Variants in AUH observed in about 807,000 individuals in gnomAD.
AUH encodes the protein AU RNA binding methylglutaconyl-CoA hydratase.
A neutral mutation model predicts 42.3 loss-of-function variants in AUH; 29 were observed. The ratio of observed to expected loss-of-function variants is 0.69; its 90% CI spans 0.51 to 0.93. The LOEUF (loss-of-function observed/expected upper bound fraction) is 0.93. AUH is among the 40% of genes least tolerant of loss of function. AUH has a pLI of 0.00. For synonymous variants in AUH, 174 were observed against 166.4 expected (o/e 1.05, Z -0.35); for missense variants, 452 against 438.1 (o/e 1.03, Z -0.28).
chr9:91,284,918 TAG>T (rs1363977561), intron 6 of AUH, among the ~76,000 whole-genome samples: 3 of 152,194 alleles, frequency 2.0e-5, no homozygotes, highest in Non-Finnish European at 4.4e-5. Flanking sequence ...CTCAGGGATC[TAG>T]AACTAGAAAC....
At chr9:91,307,924 C>G (rs1384728530) in intron 4 of AUH, among the ~76,000 whole-genome samples, 1 of 152,074 alleles carries the variant, frequency 6.6e-6, no homozygotes, top group Non-Finnish European at 1.5e-5. Context: ...TAATTTAAAA[C>G]AGGAAATACA....
At chr9:91,246,259 G>A (rs1828788086) in intron 6 of AUH, among the ~76,000 whole-genome samples, 1 of 152,062 alleles carries the variant, frequency 6.6e-6, no homozygotes, top group Admixed American at 6.5e-5. Flanking sequence ...AGAGGTTCAT[G>A]CTAAAAAAAC....
At chr9:91,240,549 G>A (rs1469023319) in intron 6 of AUH, among the ~76,000 whole-genome samples, 1 of 152,132 alleles carries the variant, frequency 6.6e-6, no homozygotes, top group Non-Finnish European at 1.5e-5. Flanking sequence ...CCAGGGAGAA[G>A]TTTCTGTGAT....
chr9:91,353,136 G>A (rs966868692), intron 3 of AUH, among the ~76,000 whole-genome samples: 7 of 152,048 alleles, frequency 4.6e-5, no homozygotes, highest in African/African-American at 1.4e-4. Flanking sequence ...ACCCGGGCTG[G>A]AATGAGGTGG....
chr9:91,320,736 T>C (rs1829506847), intron 4 of AUH, among the ~76,000 whole-genome samples: 1 of 152,198 alleles, frequency 6.6e-6, no homozygotes. Flanking sequence ...TATACACCAA[T>C]TTTCTGAAAT....
At chr9:91,214,504 T>C in intron 9 of AUH, 79 bp from the exon 10 acceptor site, 1 of 1,194,468 alleles carries the variant, frequency 8.4e-7, no homozygotes, top group East Asian at 2.6e-5. Flanking sequence ...CTAAGAAAAC[T>C]ACTTAGAACC....
intron 4 of AUH, among the ~76,000 whole-genome samples, chr9:91,322,139 T>C (rs1829627634): frequency 6.6e-6 from 1 of 151,924 alleles, no homozygotes; most frequent in African/African-American, 2.4e-5. Context: ...AAAATGGAGA[T>C]AAGAACTAGC....
intron 6 of AUH, among the ~76,000 whole-genome samples, chr9:91,232,330 G>A (rs1416949457): frequency 6.6e-6 from 1 of 152,162 alleles, no homozygotes; most frequent in African/African-American, 2.4e-5. Flanking sequence ...CTATGATTAT[G>A]CCACTGCAGT....
chr9:91,232,931 AT>A (rs1364174879), intron 6 of AUH, among the ~76,000 whole-genome samples: 1 of 152,230 alleles, frequency 6.6e-6, no homozygotes, highest in Non-Finnish European at 1.5e-5. Flanking sequence ...AGTAATTGCA[AT>A]CATCACCTCA....
chr9:91,295,901 A>C (rs1460627384), intron 6 of AUH, 120 bp downstream of exon 6: 1 of 1,142,608 alleles, frequency 8.8e-7, no homozygotes, highest in Non-Finnish European at 1.3e-6. Context: ...TAGGGATGCA[A>C]ACAATATGCC....
intron 4 of AUH, among the ~76,000 whole-genome samples, chr9:91,318,323 T>A (rs568809753): frequency 6.6e-6 from 1 of 152,140 alleles, no homozygotes; most frequent in Non-Finnish European, 1.5e-5. Context: ...CTTTTAGAAA[T>A]TTTTTTTCCT....
intron 6 of AUH, among the ~76,000 whole-genome samples, chr9:91,245,391 AG>A (rs1449834960): frequency 6.6e-6 from 1 of 152,224 alleles, no homozygotes; most frequent in African/African-American, 2.4e-5. Context: ...TTGAGAAACA[AG>A]GCCCCACTTC....
chr9:91,258,142 T>C (rs1462021394), intron 6 of AUH, among the ~76,000 whole-genome samples: 1 of 152,230 alleles, frequency 6.6e-6, no homozygotes. Context: ...GTTCCAAAAG[T>C]GTTTTGGTAG....
chr9:91,345,412 G>A (rs1264498450), intron 3 of AUH, among the ~76,000 whole-genome samples: 2 of 152,042 alleles, frequency 1.3e-5, no homozygotes, highest in Non-Finnish European at 2.9e-5. Flanking sequence ...ATAAAAAATT[G>A]GGAGTAAAAT....
chr9:91,334,022 T>C (rs748298981), intron 3 of AUH, among the ~76,000 whole-genome samples: 1 of 152,152 alleles, frequency 6.6e-6, no homozygotes, highest in Non-Finnish European at 1.5e-5. Context: ...GTACACGTTA[T>C]GTATTAGACA....
chr9:91,296,508 T>C (rs1489668416), intron 5 of AUH, among the ~76,000 whole-genome samples: 1 of 152,200 alleles, frequency 6.6e-6, no homozygotes, highest in Non-Finnish European at 1.5e-5. Context: ...TGGCAACTTT[T>C]CAAGACCAAG....
Position 91,312,149 on chromosome 9 carries a change from C to T in AUH, c.505+13169G>A, listed in dbSNP as rs74671935. ...GAAATACAGAACTGCTTTCTGATCT[C>T]TATTTTAATAAAACAGAAGAGCTTT... is the stretch of plus-strand genomic sequence containing the variant. On this transcript the variant is annotated intron_variant, in intron 4 of 9. Coordinates refer to ENST00000375731, the MANE Select transcript of AUH (RefSeq NM_001698.3). 1.5e-3 allele frequency among the ~76,000 whole-genome samples: 230 copies of T among 152,166 alleles called. 1 individual carries two copies. Among genetic ancestry groups the T allele is most frequent in the African/African-American group, 5.3e-3 (218 of 41,512 alleles).
chr9:91,308,119 T>C (rs900057123), intron 4 of AUH, among the ~76,000 whole-genome samples: 1 of 152,124 alleles, frequency 6.6e-6, no homozygotes. Flanking sequence ...AATGTAAAAT[T>C]GCCAAAATCA....
intron 6 of AUH, among the ~76,000 whole-genome samples, chr9:91,264,773 G>GT (rs1292320093): frequency 6.6e-6 from 1 of 152,146 alleles, no homozygotes; most frequent in East Asian, 1.9e-4. Flanking sequence ...GCAAAAAGAG[G>GT]TATTTGGGAA....
Sources: gnomAD v4.1 joint callset for allele counts (sites outside exome capture counted in the v4.1 genomes callset) on GRCh38, gnomAD v4.1.1 for gene constraint, MANE v1.5 for transcripts, NCBI Gene and HGNC (gene_info 2026-07-23, HGNC 2026-07-21) for gene names.